Variants in TCERG1 observed in about 807,000 individuals in gnomAD.
TCERG1 encodes transcription elongation regulator 1, also known as TATA box binding protein (TBP)-associated factor, RNA polymerase II, S, 150kD.
A neutral mutation model predicts 144.7 loss-of-function variants in TCERG1; 37 were observed. The observed-to-expected ratio is 0.26, with a 90% CI of 0.20 to 0.34. The LOEUF (loss-of-function observed/expected upper bound fraction) is 0.34, where lower values mean the gene tolerates loss of function less well. TCERG1 is among the 10% of genes least tolerant of loss of function. TCERG1 has a pLI of 1.00. For missense variants in TCERG1, 1,027 were observed against 1,380.7 expected (o/e 0.74, Z 4.06); for synonymous variants, 492 against 458.2 (o/e 1.07, Z -0.94).
Position 146,507,005 on chromosome 5 carries a change from T to A in TCERG1, c.2782-23T>A, listed in dbSNP as rs183508302. The stretch of plus-strand genomic sequence containing the variant: ...ATTCAGATAAGTCTCTTTGGTGATA[T>A]ATATATAATTTTTTCTCTTCAGGTA... On this transcript the variant is annotated intron_variant, in intron 19 of 22. Transcript: ENST00000679501. The surrounding 1 kb of genome is among the most constrained non-coding windows in gnomAD (Gnocchi z 4.6). The A allele has an allele frequency of 6.5e-7, 1 of 1,539,516 alleles. No individual in the cohort carries two copies. The highest frequency in any genetic ancestry group is 8.7e-7 in the Non-Finnish European group (1 of 1,148,442).
chr5:146,510,687 T>C lies in TCERG1; in HGVS notation c.*45T>C. 6.4e-7 allele frequency: 1 copy of C among 1,565,414 alleles called. No homozygotes were observed. The highest frequency in any genetic ancestry group is 8.7e-7 in the Non-Finnish European group (1 of 1,154,434). ...GGGGCATCTATTCAAAATGCTTGCA[T>C]GAGCCAATTTTCAGGTTTTTACATA... On this transcript the variant is annotated 3_prime_UTR_variant, in exon 23 of 23. Coordinates refer to ENST00000679501, the MANE Select transcript of TCERG1 (RefSeq NM_001382548.1).
At chr5:146,451,241 G>C (rs1046878639) in intron 1 of TCERG1, among the ~76,000 whole-genome samples, 2 of 151,542 alleles carry the variant, frequency 1.3e-5, no homozygotes, top group African/African-American at 4.9e-5. Context: ...CATTCCTTCA[G>C]TAACAGTGGC....
At chr5:146,491,035 C>T (rs1766360642) in intron 15 of TCERG1, among the ~76,000 whole-genome samples, 1 of 151,618 alleles carries the variant, frequency 6.6e-6, no homozygotes. Flanking sequence ...TGTATAGTTT[C>T]TGATTCCACT....
rs1275536265 is a variant in TCERG1 at position 146,493,092 on chromosome 5, C to T, written c.2282+54C>T. The T allele has an allele frequency of 3.1e-5, 39 of 1,254,018 alleles. No individual in the cohort carries two copies. In the Middle Eastern group the frequency reaches 6.7e-4, roughly 22 times the overall value. 77.7% of individuals were successfully genotyped at this position (1,254,018 alleles called of 1,614,324 possible). On this transcript the variant is annotated intron_variant, in intron 16 of 22. Coordinates refer to ENST00000679501, the MANE Select transcript of TCERG1 (RefSeq NM_001382548.1). ...AAGTGTATTTATTTTCTCCTAAGAT[C>T]AGTTTTTAAAAATTAAAAAAATAGA...
intron 5 of TCERG1, among the ~76,000 whole-genome samples, chr5:146,464,452 A>G (rs1386250286): frequency 1.3e-5 from 2 of 152,260 alleles, no homozygotes; most frequent in African/African-American, 4.8e-5. Context: ...AATGTGCATC[A>G]TTTAAAAGTT....
chr5:146,469,975 T>A (rs1201883916), intron 7 of TCERG1, among the ~76,000 whole-genome samples: 1 of 152,196 alleles, frequency 6.6e-6, no homozygotes. Context: ...TGTACGTACA[T>A]ATGTATGTAC....
intron 17 of TCERG1, chr5:146,499,886 A>G (rs1767272576): frequency 6.6e-6 from 1 of 152,182 alleles, no homozygotes; most frequent in Non-Finnish European, 1.5e-5. Flanking sequence ...ACAGCTGTCA[A>G]TCACTGACAC....
chr5:146,474,850 C>G (rs555823970), intron 9 of TCERG1, among the ~76,000 whole-genome samples: 3 of 152,288 alleles, frequency 2.0e-5, no homozygotes, highest in East Asian at 3.9e-4. Flanking sequence ...ACTAAATAGA[C>G]TACAGCATGA....
At chr5:146,490,282 A>C (rs553434014) in intron 15 of TCERG1, among the ~76,000 whole-genome samples, 1 of 152,174 alleles carries the variant, frequency 6.6e-6, no homozygotes, top group Non-Finnish European at 1.5e-5. Context: ...ATTGGTAGAC[A>C]TATGTGGATT....
At chr5:146,501,004 C>A (rs1379411859) in intron 17 of TCERG1, among the ~76,000 whole-genome samples, 20 of 132,374 alleles carry the variant, frequency 1.5e-4, no homozygotes, top group Admixed American at 2.3e-4. Context: ...GGGATTCTTT[C>A]AAAAAAAAAA....
intron 9 of TCERG1, among the ~76,000 whole-genome samples, chr5:146,473,064 A>G (rs538900942): frequency 6.9e-6 from 1 of 145,092 alleles, no homozygotes; most frequent in East Asian, 1.9e-4. Flanking sequence ...CTTAGTAAGG[A>G]AGGCATGTCA....
chr5:146,488,086 A>G (rs1279537670), intron 15 of TCERG1, among the ~76,000 whole-genome samples: 3 of 152,174 alleles, frequency 2.0e-5, no homozygotes, highest in Admixed American at 6.5e-5. Context: ...CTCTTAGCCT[A>G]TCTGAAAATC....
In TCERG1 at chr5:146,507,828, T is replaced by TA. The variant is rs747386636; in HGVS notation, c.2962-41dup. The TA allele has an allele frequency of 2.1e-6, 3 of 1,411,530 alleles. No homozygotes were observed. The African/African-American group carries it at 4.3e-5, about 20-fold the overall frequency. 87.4% of individuals were successfully genotyped at this position (1,411,530 alleles called of 1,614,324 possible). ...ATGTGCTGCAGTTTGACTCCCTAAG[T>TA]AAAAGTGAGTTGTATTTATGTTTTT... On this transcript the variant is annotated intron_variant, in intron 20 of 22. Coordinates refer to ENST00000679501, the MANE Select transcript of TCERG1 (RefSeq NM_001382548.1). This position sits in a 1 kb window ranked among gnomAD's most constrained non-coding sequence, Gnocchi z 4.6.
Position 146,455,128 on chromosome 5 carries a change from A to G in TCERG1, c.132A>G (p.Pro44=), listed in dbSNP as rs777822839. The stretch of plus-strand genomic sequence containing the variant: ...CAAATGCAGTGATGCGAGGCCCACC[A>G]CCTCTGATGCGACCTCCTCCACCTT... ...PPPNAVMRGP[P]PLMRPPPPFG... The change falls in exon 2 of 23, where the codon CCA becomes CCG. Residue 44 remains proline, a synonymous_variant. Coordinates refer to ENST00000679501, the MANE Select transcript of TCERG1 (RefSeq NM_001382548.1). 6.2e-7 allele frequency: 1 copy of G among 1,613,788 alleles called. No individual in the cohort carries two copies. The highest frequency in any genetic ancestry group is 2.2e-5 in the East Asian group (1 of 44,882).
chr5:146,488,461 T>A (rs961510632), intron 15 of TCERG1, among the ~76,000 whole-genome samples: 1 of 151,928 alleles, frequency 6.6e-6, no homozygotes, highest in African/African-American at 2.4e-5. Flanking sequence ...AAATGGCCAA[T>A]AAATATATGA....
intron 5 of TCERG1, among the ~76,000 whole-genome samples, chr5:146,466,007 C>T (rs963974237): frequency 7.6e-6 from 1 of 130,818 alleles, no homozygotes; most frequent in Non-Finnish European, 1.6e-5. Flanking sequence ...GCAACAAGAG[C>T]GAAACTCTGT....
intron 15 of TCERG1, among the ~76,000 whole-genome samples, chr5:146,492,087 T>C (rs893541284): frequency 6.6e-6 from 1 of 152,032 alleles, no homozygotes; most frequent in Non-Finnish European, 1.5e-5. Context: ...CCCAGAAACA[T>C]TAAGTTGGTG....
intron 9 of TCERG1, among the ~76,000 whole-genome samples, chr5:146,471,904 G>A (rs529870522): frequency 3.2e-4 from 48 of 152,068 alleles, no homozygotes; most frequent in African/African-American, 2.9e-4. Context: ...GCCTCAAGTA[G>A]TAATTTTTAA....
intron 6 of TCERG1, among the ~76,000 whole-genome samples, chr5:146,468,880 CT>C (rs796380034): frequency 0.011 from 1,573 of 144,498 alleles, 35 homozygotes; most frequent in African/African-American, 0.035. Flanking sequence ...GATTTGAGGA[CT>C]TTTTTTTTTT....
Sources: gnomAD v4.1 joint callset for allele counts (sites outside exome capture counted in the v4.1 genomes callset) on GRCh38, gnomAD v4.1.1 for gene constraint, Gnocchi (gnomAD v3.1) non-coding constraint, MANE v1.5 for transcripts, NCBI Gene and HGNC (gene_info 2026-07-23, HGNC 2026-07-21) for gene names.